The following MYO10 variants were observed in gnomAD, a reference collection of about 807,000 sequenced individuals.
MYO10 encodes unconventional myosin-X.
Under a neutral mutation model 257.3 loss-of-function variants are expected in MYO10, and 133 were observed. The observed-to-expected ratio is 0.52, with a 90% CI of 0.45 to 0.60. The LOEUF is 0.60. Among genes scored for constraint, MYO10 ranks in the 20% least tolerant of loss-of-function variants. MYO10 has a pLI of 0.00. For synonymous variants in MYO10, 1,104 were observed against 1,028.6 expected, an observed-to-expected ratio of 1.07 and a Z score of -1.40; for missense variants, 2,399 against 2,635.7, an observed-to-expected ratio of 0.91 and a Z score of 1.97.
intron 2 of MYO10, among the ~76,000 whole-genome samples, chr5:16,858,354 G>C (rs1299119859): frequency 6.6e-6 from 1 of 150,896 alleles, no homozygotes; most frequent in Non-Finnish European, 1.5e-5. Context: ...CGTCACATAA[G>C]CTTTACACAG....
rs3993823 is a variant in MYO10 at position 16,790,912 on chromosome 5, TACACACAC to T, written c.467+3726_467+3733del. 5.4e-5 allele frequency among the ~76,000 whole-genome samples: 8 copies of T among 148,242 alleles called. No homozygotes were observed. In the East Asian group the frequency reaches 1.6e-3, roughly 29 times the overall value. ...TTTTAAATTTATATATATATATATA[TACACACAC>T]ACACACACATATATTCAAAACTGTA... On this transcript the variant is annotated intron_variant, in intron 4 of 40. Transcript: ENST00000513610.
At position 16,770,838 on chromosome 5, in the gene MYO10, G is replaced by A. The variant is rs192780707; in HGVS notation, c.931-1635C>T. ...GCCTGGGGTGCAGTGGCACGATCTC[G>A]GCTCACCGCACCCCGTGCCTCCCAG... On this transcript the variant is annotated intron_variant, in intron 9 of 40. Coordinates refer to ENST00000513610, the MANE Select transcript of MYO10 (RefSeq NM_012334.3). Among the ~76,000 whole-genome samples, 8 of 152,222 alleles carry A rather than the reference G, an allele frequency of 5.3e-5. No individual in the cohort carries two copies. In the East Asian group the frequency reaches 1.4e-3, roughly 26 times the overall value.
At chr5:16,793,668 G>A (rs1293646263) in intron 4 of MYO10, among the ~76,000 whole-genome samples, 5 of 152,148 alleles carry the variant, frequency 3.3e-5, no homozygotes, top group African/African-American at 4.8e-5. Context: ...GGTGGCTCAC[G>A]CCTGTAATCC....
At chr5:16,685,715 C>CA in intron 29 of MYO10, 23 bp downstream of exon 29, 1 of 1,551,914 alleles carries the variant, frequency 6.4e-7, no homozygotes, top group Non-Finnish European at 8.8e-7. Context: ...GCCCCACCCC[C>CA]ATCCCACACA....
chr5:16,803,416 C>T (rs921868309), intron 3 of MYO10, among the ~76,000 whole-genome samples: 1 of 151,804 alleles, frequency 6.6e-6, no homozygotes, highest in African/African-American at 2.4e-5. Flanking sequence ...AGAGTGAGAC[C>T]CTATCTCAAA....
intron 1 of MYO10, among the ~76,000 whole-genome samples, chr5:16,930,342 G>C (rs570962757): frequency 6.6e-6 from 1 of 152,178 alleles, no homozygotes; most frequent in African/African-American, 2.4e-5. Context: ...GTAGGATCAC[G>C]TGCGAGAAAA....
At chr5:16,869,318 C>T (rs991186600) in intron 2 of MYO10, among the ~76,000 whole-genome samples, 4 of 151,122 alleles carry the variant, frequency 2.6e-5, no homozygotes, top group South Asian at 2.1e-4. Context: ...GGATTACAGG[C>T]GTGCACCACC....
chr5:16,811,901 C>A (rs1742452861), intron 3 of MYO10, among the ~76,000 whole-genome samples: 1 of 152,210 alleles, frequency 6.6e-6, no homozygotes, highest in South Asian at 2.1e-4. Flanking sequence ...ACCACCACCA[C>A]CACCTCCATA....
chr5:16,779,080 G>C (rs991465636), intron 9 of MYO10, among the ~76,000 whole-genome samples: 1 of 152,152 alleles, frequency 6.6e-6, no homozygotes, highest in African/African-American at 2.4e-5. Flanking sequence ...AAGACCCCAG[G>C]TTTTAGCTGA....
chr5:16,870,162 G>A (rs909910390), intron 2 of MYO10, among the ~76,000 whole-genome samples: 2 of 151,474 alleles, frequency 1.3e-5, no homozygotes, highest in Admixed American at 6.6e-5. Context: ...CCAACTCCTG[G>A]CCGCTGGAGG....
At chr5:16,913,174 G>GA (rs5866220) in intron 1 of MYO10, among the ~76,000 whole-genome samples, 97,038 of 151,008 alleles carry the variant, frequency 0.64, 31,240 homozygotes, top group Admixed American at 0.72. Context: ...GGTTATAGAG[G>GA]AAAAAAAAAT....
intron 19 of MYO10, among the ~76,000 whole-genome samples, chr5:16,733,757 G>T (rs1049936601): frequency 6.6e-6 from 1 of 152,108 alleles, no homozygotes; most frequent in African/African-American, 2.4e-5. Context: ...GCTAGGAAAC[G>T]GGAGGTCAGG....
In MYO10 at chr5:16,732,299, GC is replaced by G. The variant is rs376635799; in HGVS notation, c.1930-21055del. ...AGATTTGTTCCAAATCAGACCCAAA[GC>G]CCTGGTGAAGACAACAGAAGGTTCA... On this transcript the variant is annotated intron_variant, in intron 19 of 40. Coordinates refer to ENST00000513610, the MANE Select transcript of MYO10 (RefSeq NM_012334.3). 2.5e-3 allele frequency among the ~76,000 whole-genome samples: 376 copies of G among 152,246 alleles called. 3 individuals carry two copies. The highest frequency in any genetic ancestry group is 8.4e-3 in the African/African-American group (349 of 41,554).
chr5:16,765,653 C>T (rs1189675718), intron 11 of MYO10, among the ~76,000 whole-genome samples: 2 of 152,128 alleles, frequency 1.3e-5, no homozygotes, highest in African/African-American at 4.8e-5. Context: ...GTTTATTTAG[C>T]ACTTACTCTG....
chr5:16,742,185 A>G, intron 19 of MYO10: 1 of 985,366 alleles, frequency 1.0e-6, no homozygotes, highest in African/African-American at 1.7e-5. Context: ...TTTAGTTGTG[A>G]TCTTGGAAAA....
intron 2 of MYO10, among the ~76,000 whole-genome samples, chr5:16,833,765 T>C (rs986261690): frequency 1.1e-4 from 16 of 152,188 alleles, no homozygotes; most frequent in Non-Finnish European, 2.4e-4. Context: ...CTTAGTTTCC[T>C]CATCTATAAT....
intron 1 of MYO10, among the ~76,000 whole-genome samples, chr5:16,912,432 A>G (rs1745683410): frequency 6.6e-6 from 1 of 152,052 alleles, no homozygotes; most frequent in African/African-American, 2.4e-5. Flanking sequence ...CACTTTCCTT[A>G]CCTGAGGCCC....
intron 2 of MYO10, among the ~76,000 whole-genome samples, chr5:16,826,153 A>C (rs1266018196): frequency 6.6e-6 from 1 of 151,924 alleles, no homozygotes; most frequent in Non-Finnish European, 1.5e-5. Context: ...CAGTCTCGAA[A>C]AACAAAACAT....
intron 2 of MYO10, among the ~76,000 whole-genome samples, chr5:16,856,597 G>A (rs1345086146): frequency 6.6e-6 from 1 of 151,792 alleles, no homozygotes; most frequent in Non-Finnish European, 1.5e-5. Flanking sequence ...GTATTTTAAA[G>A]GTATCAATGA....
Sources: allele counts gnomAD v4.1 joint callset (sites outside exome capture counted in the v4.1 genomes callset), GRCh38; gene constraint gnomAD v4.1.1; transcripts MANE v1.5; gene names NCBI Gene and HGNC (gene_info 2026-07-23, HGNC 2026-07-21).